COMMD9: variants seen among roughly 807,000 people sequenced by gnomAD.
COMMD9 encodes the protein COMM domain-containing protein 9.
Under a neutral mutation model 23.4 loss-of-function variants are expected in COMMD9, and 22 were observed. That is an observed-to-expected ratio of 0.94 (90% CI 0.67 to 1.34). COMMD9 has a LOEUF of 1.34. Ranked by LOEUF, COMMD9 falls within the 40% of genes most tolerant of loss-of-function variation. The probability of loss-of-function intolerance (pLI) is 0.00; values close to 1 mark genes in which losing one functional copy is unlikely to be tolerated. For missense variants in COMMD9, 231 were observed against 240.2 expected, an observed-to-expected ratio of 0.96 and a Z score of 0.25; for synonymous variants, 99 against 97.4, an observed-to-expected ratio of 1.02 and a Z score of -0.10.
intron 5 of COMMD9, among the ~76,000 whole-genome samples, chr11:36,275,441 A>T (rs1166798101): frequency 1.5e-5 from 2 of 129,546 alleles, no homozygotes; most frequent in Non-Finnish European, 1.7e-5. Context: ...AGCTGCTAGT[A>T]GAAACTTTTT....
intron 1 of COMMD9, among the ~76,000 whole-genome samples, chr11:36,282,813 G>A (rs888226880): frequency 2.6e-5 from 4 of 152,170 alleles, no homozygotes; most frequent in African/African-American, 4.8e-5. Context: ...ACAATAGGCC[G>A]TCTGCAAGCT....
chr11:36,284,859 T>C (rs1856125386), intron 1 of COMMD9, among the ~76,000 whole-genome samples: 1 of 152,208 alleles, frequency 6.6e-6, no homozygotes, highest in Non-Finnish European at 1.5e-5. Context: ...TATCAACATT[T>C]GTGGTACACA....
At chr11:36,275,517 C>A (rs1047469246) in intron 5 of COMMD9, among the ~76,000 whole-genome samples, 20 of 148,008 alleles carry the variant, frequency 1.4e-4, no homozygotes, top group African/African-American at 5.0e-4. Context: ...GATCTCGGCT[C>A]ACTGCAATCT....
chr11:36,280,889 CAT>C (rs1433807650), intron 1 of COMMD9, 52 bp from the exon 2 acceptor site: 8 of 1,491,046 alleles, frequency 5.4e-6, no homozygotes, highest in South Asian at 2.7e-5. Context: ...TCTGAAAACA[CAT>C]GTTTTGAGTA....
In COMMD9 at chr11:36,274,734, G is replaced by A; in HGVS notation, c.495C>T (p.Ser165=). 1.2e-6 allele frequency: 2 copies of A among 1,614,262 alleles called. No individual in the cohort carries two copies. The highest frequency in any genetic ancestry group is 8.5e-7 in the Non-Finnish European group (1 of 1,180,042). The change falls in exon 6 of 6, where the codon TCC becomes TCT. Residue 165 remains serine (S), a synonymous_variant. Transcript: ENST00000263401. ...EDPSLCGDKP[S]ISAVTVELSK... ...TCAGCTCCACGGTGACAGCTGAGAT[G>A]GAGGGTTTGTCTCCGCATAGGCTGG...
At chr11:36,287,182 A>G (rs12285953) in intron 1 of COMMD9, among the ~76,000 whole-genome samples, 10 of 34 alleles carry the variant, frequency 0.29, no homozygotes, top group South Asian at 0.5. Flanking sequence ...TAGTATGTAT[A>G]CTACATACTA....
In COMMD9 at chr11:36,274,616, C is replaced by T. The variant is rs752856307; in HGVS notation, c.*16G>A. 1 of 1,614,098 alleles carries T rather than the reference C, an allele frequency of 6.2e-7. No individual in the cohort carries two copies. Among genetic ancestry groups the T allele is most frequent in the Non-Finnish European group, 8.5e-7 (1 of 1,179,972 alleles). On this transcript the variant is annotated 3_prime_UTR_variant, in exon 6 of 6. Coordinates refer to ENST00000263401, the MANE Select transcript of COMMD9 (RefSeq NM_014186.4). ...GAGCAGCTGGGTCATGGCAGTGGCC[C>T]TGGCAGCTGGCTGGATCATTTACTG... is the stretch of plus-strand genomic sequence containing the variant.
At position 36,273,224 on chromosome 11, in the gene COMMD9, T is replaced by TA. The variant is rs1388339802; in HGVS notation, c.*1407dup. The TA allele has an allele frequency of 1.3e-5, 2 of 152,148 alleles. No individual in the cohort carries two copies. The highest frequency in any genetic ancestry group is 2.9e-5 in the Non-Finnish European group (2 of 68,028). The allele number at this position is 152,148 out of a possible 1,614,324, so 9.4% of individuals were successfully genotyped here. On this transcript the variant is annotated 3_prime_UTR_variant, in exon 6 of 6. Transcript: ENST00000263401. The stretch of plus-strand genomic sequence containing the variant: ...TGCCTGACTCCTGACAGCATATTCT[T>TA]AATCTGTGGATTTACCTCCTCCATT...
At chr11:36,286,747 A>G (rs1361259306) in intron 1 of COMMD9, among the ~76,000 whole-genome samples, 1 of 152,228 alleles carries the variant, frequency 6.6e-6, no homozygotes, top group African/African-American at 2.4e-5. Flanking sequence ...ATAAAAAGGA[A>G]AGAACTATTG....
intron 2 of COMMD9, among the ~76,000 whole-genome samples, chr11:36,280,462 T>C (rs558552181): frequency 1.3e-5 from 2 of 152,358 alleles, no homozygotes; most frequent in African/African-American, 2.4e-5. Flanking sequence ...CAGCAAGTTA[T>C]AGGTTGGAAA....
At chr11:36,282,184 C>A (rs544306828) in intron 1 of COMMD9, among the ~76,000 whole-genome samples, 4 of 152,034 alleles carry the variant, frequency 2.6e-5, no homozygotes, top group Non-Finnish European at 5.9e-5. Flanking sequence ...ACATTTGTAT[C>A]ATTGGAGTCC....
At chr11:36,276,352 G>C in intron 4 of COMMD9, 112 bp from the exon 5 acceptor site, 2 of 700,916 alleles carry the variant, frequency 2.9e-6, no homozygotes, top group Non-Finnish European at 5.0e-6. Flanking sequence ...GGTCTATGCA[G>C]CAAGTCTCTG....
chr11:36,278,701 C>T (rs1195432227), intron 2 of COMMD9, 85 bp from the exon 3 acceptor site: 2 of 1,366,084 alleles, frequency 1.5e-6, no homozygotes, highest in African/African-American at 1.5e-5. Context: ...GGGCTCTACA[C>T]CCCGAAGGCT....
chr11:36,281,141 T>G (rs1489399321), intron 1 of COMMD9, among the ~76,000 whole-genome samples: 1 of 152,180 alleles, frequency 6.6e-6, no homozygotes, highest in East Asian at 1.9e-4. Context: ...GGATTTTTTT[T>G]GCTTCATATA....
chr11:36,283,973 G>A (rs889079382), intron 1 of COMMD9, among the ~76,000 whole-genome samples: 1 of 152,148 alleles, frequency 6.6e-6, no homozygotes, highest in African/African-American at 2.4e-5. Context: ...AGGCATGGTG[G>A]CACTTGCCTG....
chr11:36,283,288 A>G (rs1856096957), intron 1 of COMMD9, among the ~76,000 whole-genome samples: 1 of 152,240 alleles, frequency 6.6e-6, no homozygotes, highest in African/African-American at 2.4e-5. Flanking sequence ...CAGGGCAAAC[A>G]AAAACATGGA....
intron 1 of COMMD9, among the ~76,000 whole-genome samples, chr11:36,281,216 C>T (rs951472383): frequency 2.6e-5 from 4 of 152,218 alleles, no homozygotes; most frequent in African/African-American, 7.2e-5. Flanking sequence ...GGGGGAAAAA[C>T]GCTACAATAA....
In COMMD9 at chr11:36,274,442, G is replaced by A. The variant is rs1034556966; in HGVS notation, c.*190C>T. ...CCAGCTTCAGAAAGAGAAAGAAGAT[G>A]AGTGAGAACAGCGGGGGATCTGGCT... On this transcript the variant is annotated 3_prime_UTR_variant, in exon 6 of 6. Transcript: ENST00000263401. 11 of 768,226 alleles carry A rather than the reference G, an allele frequency of 1.4e-5. No individual in the cohort carries two copies. Among genetic ancestry groups the A allele is most frequent in the Middle Eastern group, 2.3e-4 (1 of 4,406 alleles). The allele number at this position is 768,226 out of a possible 1,614,324, so 47.6% of individuals were successfully genotyped here.
At position 36,289,404 on chromosome 11, in the gene COMMD9, G is replaced by C. The variant is rs867416366; in HGVS notation, c.9C>G (p.Ala3=). ...GTGCTGCAAAATGCTCCGCTGTCAG[G>C]GCAGCCATCTTGCCGAAGTCACATG... is the stretch of plus-strand genomic sequence containing the variant. MA[A]LTAEHFAALQ... is the part of the protein sequence containing the mutation. The change falls in exon 1 of 6, where the codon GCC becomes GCG. Residue 3 remains alanine (A), a synonymous_variant. Coordinates refer to ENST00000263401, the MANE Select transcript of COMMD9 (RefSeq NM_014186.4). 3 of 1,551,862 alleles carry C rather than the reference G, an allele frequency of 1.9e-6. No individual in the cohort carries two copies. The East Asian group carries it at 7.3e-5, about 38-fold the overall frequency.
Sources: gnomAD v4.1 joint callset for allele counts (sites outside exome capture counted in the v4.1 genomes callset) on GRCh38, gnomAD v4.1.1 for gene constraint, MANE v1.5 for transcripts, NCBI Gene and HGNC (gene_info 2026-07-23, HGNC 2026-07-21) for gene names.